The following PCDHGB6 variants were observed in gnomAD, a reference collection of about 807,000 sequenced individuals.
PCDHGB6 encodes protocadherin gamma subfamily B, 6.
A neutral mutation model predicts 59.1 loss-of-function variants in PCDHGB6; 51 were observed. That is an observed-to-expected ratio of 0.86 (90% CI 0.69 to 1.09). PCDHGB6 has a LOEUF of 1.09. Ranked by LOEUF, PCDHGB6 falls within the 50% of genes least tolerant of loss-of-function variation. The pLI, the probability that PCDHGB6 is intolerant of heterozygous loss-of-function variation, is 0.00. For missense variants in PCDHGB6, 1,148 were observed against 1,205.1 expected, an observed-to-expected ratio of 0.95 and a Z score of 0.70; for synonymous variants, 466 against 495.1, an observed-to-expected ratio of 0.94 and a Z score of 0.78.
intron 1 of PCDHGB6, among the ~76,000 whole-genome samples, chr5:141,438,629 TATATATAC>T (rs1474630940): frequency 0.043 from 2,039 of 47,824 alleles, 19 homozygotes; most frequent in South Asian, 0.061. Flanking sequence ...TATATATATA[TATATATAC>T]ACACACACAC....
At chr5:141,506,191 C>T (rs932500250) in intron 3 of PCDHGB6, among the ~76,000 whole-genome samples, 8 of 152,182 alleles carry the variant, frequency 5.3e-5, no homozygotes, top group African/African-American at 1.9e-4. Flanking sequence ...TGGCTCACGC[C>T]TGTAATCCCA....
chr5:141,456,554 G>A (rs1003323522), intron 1 of PCDHGB6, among the ~76,000 whole-genome samples: 2 of 152,202 alleles, frequency 1.3e-5, no homozygotes, highest in Non-Finnish European at 2.9e-5. Flanking sequence ...GCCACTCGGG[G>A]CTGAAGCCCA....
Position 141,476,543 on chromosome 5 carries a change from G to A in PCDHGB6, c.2419-18264G>A, listed in dbSNP as rs1419273574. 1 of 1,614,220 alleles carries A rather than the reference G, an allele frequency of 6.2e-7. No individual in the cohort carries two copies. Among genetic ancestry groups the A allele is most frequent in the South Asian group, 1.1e-5 (1 of 91,084 alleles). On this transcript the variant is annotated intron_variant, in intron 1 of 3. Transcript: ENST00000520790. The surrounding 1 kb of genome is among the most constrained non-coding windows in gnomAD (Gnocchi z 7.6). ...TTTCCCTACCCAGGAAATGAAATTG[G>A]AGATTAGCGAGGCCGTGGCTCCGGG...
Position 141,476,064 on chromosome 5 carries a change from C to T in PCDHGB6, c.2419-18743C>T, listed in dbSNP as rs1593605493. On this transcript the variant is annotated intron_variant, in intron 1 of 3. Transcript: ENST00000520790. The surrounding 1 kb of genome is among the most constrained non-coding windows in gnomAD (Gnocchi z 7.6). Reference sequence around the variant, plus strand: ...CGCTAACCCGCTGAAAGTTTCTCAGCGAAATCTCAGGGACGATCTGGACCC... The same window carrying T: ...CGCTAACCCGCTGAAAGTTTCTCAGTGAAATCTCAGGGACGATCTGGACCC... 2.0e-6 allele frequency: 3 copies of T among 1,510,080 alleles called. No homozygotes were observed. In the East Asian group the frequency reaches 6.8e-5, roughly 34 times the overall value. 93.5% of individuals were successfully genotyped at this position (1,510,080 alleles called of 1,614,324 possible). A position where few individuals can be genotyped will look rare whatever the true frequency, so the allele number is the denominator to read the frequency against.
In PCDHGB6 at chr5:141,454,796, A is replaced by ATTTTTTTTTTTTTTTTTTT. The variant is rs61612330; in HGVS notation, c.2419-40000_2419-39982dup. Among the ~76,000 whole-genome samples the ATTTTTTTTTTTTTTTTTTT allele has an allele frequency of 2.8e-4, 22 of 77,458 alleles. 2 individuals are homozygous for ATTTTTTTTTTTTTTTTTTT. Among genetic ancestry groups the ATTTTTTTTTTTTTTTTTTT allele is most frequent in the East Asian group, 4.0e-4 (1 of 2,512 alleles). The allele number at this position is 77,458 out of a possible 152,430, so 50.8% of individuals were successfully genotyped here. The stretch of plus-strand genomic sequence containing the variant: ...AAGGAAATAATCCTCCATGGTTCTA[A>ATTTTTTTTTTTTTTTTTTT]TTTTTTTTTTTTTTTTTTTTTTTTT... On this transcript the variant is annotated intron_variant, in intron 1 of 3. Coordinates refer to ENST00000520790, the MANE Select transcript of PCDHGB6 (RefSeq NM_018926.3).
At chr5:141,414,046 A>G (rs780040293) in intron 1 of PCDHGB6, 1 of 1,611,254 alleles carries the variant, frequency 6.2e-7, no homozygotes, top group Non-Finnish European at 8.5e-7. Context: ...ATTACCTGAC[A>G]CGCAATTGTT....
At chr5:141,470,059 G>A (rs1206799372) in intron 1 of PCDHGB6, among the ~76,000 whole-genome samples, 6 of 152,186 alleles carry the variant, frequency 3.9e-5, no homozygotes, top group African/African-American at 1.4e-4. Context: ...AACCCCGGAG[G>A]CAGAGACTGT....
chr5:141,426,492 T>C (rs1439487321), intron 1 of PCDHGB6: 2 of 336,712 alleles, frequency 5.9e-6, no homozygotes, highest in African/African-American at 4.3e-5. Context: ...TTAGAGTTAG[T>C]GCAGAGAAAC....
Position 141,490,888 on chromosome 5 carries a change from C to G in PCDHGB6, c.2419-3919C>G. The G allele has an allele frequency of 1.2e-6, 2 of 1,613,358 alleles. No individual in the cohort carries two copies. The highest frequency in any genetic ancestry group is 1.7e-6 in the Non-Finnish European group (2 of 1,179,390). On this transcript the variant is annotated intron_variant, in intron 1 of 3. Transcript: ENST00000520790. This position sits in a 1 kb window ranked among gnomAD's most constrained non-coding sequence, Gnocchi z 5.4. Reference sequence around the variant, plus strand: ...TCCCCCATTGCATGCCAACACATCTCTGCATGTGTTTGTCCTAGACGAGAA... The same window carrying G: ...TCCCCCATTGCATGCCAACACATCTGTGCATGTGTTTGTCCTAGACGAGAA...
At chr5:141,423,066 C>T (rs1375575018) in intron 1 of PCDHGB6, 2 of 1,614,002 alleles carry the variant, frequency 1.2e-6, no homozygotes, top group South Asian at 1.1e-5. Context: ...TTAAGGCCAG[C>T]GAGCCGGGAC....
Position 141,427,553 on chromosome 5 carries a change from TG to T in PCDHGB6, c.2418+16934del, listed in dbSNP as rs201716174. ...AGTACAACGTCACCATCACTGCCAC[TG>T]ACAAGGGCAAGCCTCCGCTCTCATC... On this transcript the variant is annotated intron_variant, in intron 1 of 3. Transcript: ENST00000520790. 2.7e-3 allele frequency: 1,760 copies of T among 646,124 alleles called. 23 individuals are homozygous for T. In the African/African-American group the frequency reaches 0.028, roughly 10 times the overall value. 40.0% of individuals were successfully genotyped at this position (646,124 alleles called of 1,614,324 possible).
chr5:141,418,767 C>T (rs770275597), intron 1 of PCDHGB6: 1 of 1,613,850 alleles, frequency 6.2e-7, no homozygotes, highest in Non-Finnish European at 8.5e-7. Flanking sequence ...AACATTCTAA[C>T]TCAGCAGCCT....
rs200117787 is a variant in PCDHGB6, at chr5:141,477,443, G to T, written c.2419-17364G>T. ...CCCTTCCCTCTCAGCCCTTACAATA[G>T]TGCGTGTTCAAGTGTCCGACATCAA... On this transcript the variant is annotated intron_variant, in intron 1 of 3. Coordinates refer to ENST00000520790, the MANE Select transcript of PCDHGB6 (RefSeq NM_018926.3). This position sits in a 1 kb window ranked among gnomAD's most constrained non-coding sequence, Gnocchi z 4.9. The T allele has an allele frequency of 1.7e-5, 28 of 1,614,136 alleles. No homozygotes were observed. In the East Asian group the frequency reaches 6.2e-4, roughly 36 times the overall value.
At chr5:141,460,961 ATGTGTG>A (rs35821115) in intron 1 of PCDHGB6, among the ~76,000 whole-genome samples, 6 of 144,616 alleles carry the variant, frequency 4.1e-5, no homozygotes, top group South Asian at 4.4e-4. Flanking sequence ...GTATATATAT[ATGTGTG>A]TGTGTGTGTG....
Position 141,419,013 on chromosome 5 carries a change from G to C in PCDHGB6, c.2418+8393G>C, listed in dbSNP as rs746229802. The C allele has an allele frequency of 6.9e-5, 111 of 1,613,840 alleles. No individual in the cohort carries two copies. In the East Asian group the frequency reaches 2.4e-3, roughly 35 times the overall value. ...GGGGAAAATGGGGAAGTCAGGTGTA[G>C]CTTAAGTAGAGGTGTTCCATTTAAG... is the stretch of plus-strand genomic sequence containing the variant. On this transcript the variant is annotated intron_variant, in intron 1 of 3. Transcript: ENST00000520790.
At position 141,432,612 on chromosome 5, in the gene PCDHGB6, C is replaced by A. The variant is rs752901891; in HGVS notation, c.2418+21992C>A. On this transcript the variant is annotated intron_variant, in intron 1 of 3. Transcript: ENST00000520790. This position sits in a 1 kb window ranked among gnomAD's most constrained non-coding sequence, Gnocchi z 6.0. ...AAGGCCAGCGAGCCGGGACTCTTCT[C>A]GGTGGGTCTGCACACGGGCGAGGTG... 1 of 1,613,912 alleles carries A rather than the reference C, an allele frequency of 6.2e-7. No individual in the cohort carries two copies. The highest frequency in any genetic ancestry group is 1.1e-5 in the South Asian group (1 of 91,062).
chr5:141,446,279 G>A (rs1326701686), intron 1 of PCDHGB6, among the ~76,000 whole-genome samples: 1 of 152,096 alleles, frequency 6.6e-6, no homozygotes, highest in African/African-American at 2.4e-5. Context: ...AAATACAATG[G>A]ATAAATGGGG....
At chr5:141,419,796 T>C (rs1334397368) in intron 1 of PCDHGB6, 1 of 1,614,026 alleles carries the variant, frequency 6.2e-7, no homozygotes, top group Admixed American at 1.7e-5. Flanking sequence ...CTAGTCGCTG[T>C]AAGAGATGGA....
intron 1 of PCDHGB6, among the ~76,000 whole-genome samples, chr5:141,457,459 CA>C (rs1402759850): frequency 6.6e-6 from 1 of 152,166 alleles, no homozygotes; most frequent in Non-Finnish European, 1.5e-5. Context: ...CCACTTGATT[CA>C]CAGGAATAAG....
Sources: gnomAD v4.1 joint callset for allele counts (sites outside exome capture counted in the v4.1 genomes callset) on GRCh38, gnomAD v4.1.1 for gene constraint, Gnocchi (gnomAD v3.1) non-coding constraint, MANE v1.5 for transcripts, NCBI Gene and HGNC (gene_info 2026-07-23, HGNC 2026-07-21) for gene names.